The following RGPD8 variants were observed in gnomAD, a reference collection of about 807,000 sequenced individuals.
The protein encoded by RGPD8 is RANBP2-like and GRIP domain-containing protein 8.
RGPD8 carries 15 observed loss-of-function variants against 89.1 expected under a neutral mutation model. The observed-to-expected ratio is 0.17, with a 90% CI of 0.11 to 0.26. The LOEUF (loss-of-function observed/expected upper bound fraction) is 0.26, where lower values mean the gene tolerates loss of function less well. RGPD8 is among the 10% of genes least tolerant of loss of function. The pLI, the probability that RGPD8 is intolerant of heterozygous loss-of-function variation, is 1.00. For synonymous variants in RGPD8, 62 were observed against 420.9 expected (o/e 0.15, Z 10.44); for missense variants, 178 against 1,179.6 (o/e 0.15, Z 12.44).
chr2:112,416,105 A>AAAAAAAG (rs1679400090), intron 6 of RGPD8, among the ~76,000 whole-genome samples: 9 of 147,234 alleles, frequency 6.1e-5, no homozygotes, highest in African/African-American at 2.2e-4. Context: ...AAAAAAAAAA[A>AAAAAAAG]AAAAAAGAAA....
At chr2:112,387,696 GAACA>G (rs1170899311) in intron 20 of RGPD8, among the ~76,000 whole-genome samples, 1 of 140,040 alleles carries the variant, frequency 7.1e-6, no homozygotes, top group Non-Finnish European at 1.6e-5. Flanking sequence ...AAAAGAAACA[GAACA>G]AATGAAAATG....
chr2:112,370,329 G>A (rs1193147032), intron 22 of RGPD8, 117 bp from the exon 23 acceptor site: 1 of 105,442 alleles, frequency 9.5e-6, no homozygotes, highest in African/African-American at 4.6e-5. Context: ...CTTTTTTACT[G>A]ATCACATGCC....
At chr2:112,425,632 C>T (rs1260209404) in intron 1 of RGPD8, among the ~76,000 whole-genome samples, 57 of 151,776 alleles carry the variant, frequency 3.8e-4, no homozygotes, top group African/African-American at 9.2e-4. Flanking sequence ...TGGTGGCACA[C>T]GCCTGTAATC....
chr2:112,372,016 G>C (rs950307571), intron 22 of RGPD8, among the ~76,000 whole-genome samples: 2 of 83,648 alleles, frequency 2.4e-5, no homozygotes, highest in African/African-American at 9.9e-5. Flanking sequence ...CTGTGGGTCA[G>C]GAGATCAGAA....
intron 7 of RGPD8, among the ~76,000 whole-genome samples, chr2:112,408,788 C>A (rs1369994833): frequency 6.6e-6 from 1 of 151,858 alleles, no homozygotes; most frequent in Non-Finnish European, 1.5e-5. Context: ...TCTCCTGTCT[C>A]GGCCTCTCAA....
At chr2:112,424,690 C>T (rs1453802085) in intron 1 of RGPD8, among the ~76,000 whole-genome samples, 9 of 151,982 alleles carry the variant, frequency 5.9e-5, no homozygotes, top group Non-Finnish European at 8.8e-5. Flanking sequence ...CAGCTGAGAT[C>T]GTGCCATTGC....
At chr2:112,429,180 G>C (rs1253342696) in intron 1 of RGPD8, among the ~76,000 whole-genome samples, 2 of 151,742 alleles carry the variant, frequency 1.3e-5, no homozygotes, top group South Asian at 4.2e-4. Flanking sequence ...CAGCACTTTG[G>C]GAGGCTGAGG....
chr2:112,428,229 T>C (rs1327518255), intron 1 of RGPD8, among the ~76,000 whole-genome samples: 1 of 152,128 alleles, frequency 6.6e-6, no homozygotes, highest in Non-Finnish European at 1.5e-5. Flanking sequence ...TTTAAAGACA[T>C]ACCATTAGTT....
chr2:112,377,291 T>TTC (rs1678149212), intron 22 of RGPD8, among the ~76,000 whole-genome samples: 1 of 90,944 alleles, frequency 1.1e-5, no homozygotes, highest in African/African-American at 4.0e-5. Flanking sequence ...TTTTTTTTTT[T>TTC]TTTTTTTTTG....
rs1157586881 is a variant in RGPD8 at position 112,408,709 on chromosome 2, G to A, written c.979-2325C>T. On this transcript the variant is annotated intron_variant, in intron 7 of 22. Coordinates refer to ENST00000302558, the MANE Select transcript of RGPD8 (RefSeq NM_001164463.1). ...TTTTGAGATGGAGTCTCGCTCTGTCGCCAGGCTGGAGTGCTGCAGTGGCAC... is the reference window on the plus strand; with the variant it reads ...TTTTGAGATGGAGTCTCGCTCTGTCACCAGGCTGGAGTGCTGCAGTGGCAC... Among the ~76,000 whole-genome samples the A allele has an allele frequency of 1.1e-4, 17 of 150,278 alleles. No homozygotes were observed. In the East Asian group the frequency reaches 2.3e-3, roughly 21 times the overall value.
At chr2:112,370,316 T>C (rs1274000822) in intron 22 of RGPD8, 104 bp from the exon 23 acceptor site, 2 of 398,400 alleles carry the variant, frequency 5.0e-6, no homozygotes, top group African/African-American at 4.8e-5. Context: ...AAGCAAATAA[T>C]GTCTTTTTTA....
chr2:112,431,600 A>G (rs1033199829), intron 1 of RGPD8, among the ~76,000 whole-genome samples: 4 of 151,348 alleles, frequency 2.6e-5, no homozygotes, highest in African/African-American at 4.9e-5. Context: ...AAGAGACACA[A>G]TTATGCTACT....
At chr2:112,410,877 G>A (rs1449461366) in intron 7 of RGPD8, among the ~76,000 whole-genome samples, 4 of 152,294 alleles carry the variant, frequency 2.6e-5, no homozygotes, top group Non-Finnish European at 5.9e-5. Flanking sequence ...CCTGAGTTCA[G>A]GAGCTCAAGA....
At chr2:112,409,330 G>A in intron 7 of RGPD8, among the ~76,000 whole-genome samples, 1 of 98,238 alleles carries the variant, frequency 1.0e-5, no homozygotes, top group East Asian at 2.6e-4. Context: ...CTGGCAATAG[G>A]TAAAGCACAC....
chr2:112,433,316 G>A (rs531757870), intron 1 of RGPD8, 66 bp downstream of exon 1: 3 of 1,479,982 alleles, frequency 2.0e-6, no homozygotes, highest in African/African-American at 1.5e-5. Flanking sequence ...GGCCGCCGCC[G>A]GGCCGGGTCG....
chr2:112,417,043 A>G, intron 6 of RGPD8, 150 bp downstream of exon 6: 1 of 1,501,828 alleles, frequency 6.7e-7, no homozygotes, highest in South Asian at 1.2e-5. Context: ...AAGAAAAATA[A>G]GATTGCCTCC....
intron 22 of RGPD8, 147 bp from the exon 23 acceptor site, chr2:112,370,359 G>GTTGTTT: frequency 9.9e-6 from 1 of 100,760 alleles, no homozygotes; most frequent in African/African-American, 7.1e-5. Context: ...GGGGGGGGGG[G>GTTGTTT]TTCTTTTTTT....
At chr2:112,425,492 G>A (rs1476643824) in intron 1 of RGPD8, among the ~76,000 whole-genome samples, 1 of 152,088 alleles carries the variant, frequency 6.6e-6, no homozygotes, top group Non-Finnish European at 1.5e-5. Context: ...GGGTGCGGTG[G>A]CTCACACCTG....
At chr2:112,380,650 C>CAAAA (rs369818204) in intron 21 of RGPD8, among the ~76,000 whole-genome samples, 174 bp downstream of exon 21, 17,911 of 107,902 alleles carry the variant, frequency 0.17, 361 homozygotes, top group East Asian at 0.23. Flanking sequence ...AAGACTGTCT[C>CAAAA]AAAAAAAAAA....
Sources: gnomAD v4.1 joint callset for allele counts (sites outside exome capture counted in the v4.1 genomes callset) on GRCh38, gnomAD v4.1.1 for gene constraint, MANE v1.5 for transcripts, NCBI Gene and HGNC (gene_info 2026-07-23, HGNC 2026-07-21) for gene names.